The following AQP3 variants were observed in gnomAD, a reference collection of about 807,000 sequenced individuals.
AQP3 encodes the protein aquaporin-3.
Under a neutral mutation model 30.3 loss-of-function variants are expected in AQP3, and 15 were observed. That is an observed-to-expected ratio of 0.49 (90% CI 0.33 to 0.76). The LOEUF (loss-of-function observed/expected upper bound fraction) is 0.76. AQP3 is among the 30% of genes least tolerant of loss of function. The pLI is 0.02. For missense variants in AQP3, 272 were observed against 384.8 expected (o/e 0.71, Z 2.45); for synonymous variants, 153 against 163.2 (o/e 0.94, Z 0.47).
Position 33,443,460 on chromosome 9 carries a change from T to C in AQP3, c.236-2A>G. On this transcript the variant is annotated splice_acceptor_variant, in intron 2 of 5. Coordinates refer to ENST00000297991, the MANE Select transcript of AQP3 (RefSeq NM_004925.5). LOFTEE classifies it high-confidence loss of function. This position sits in a 1 kb window ranked among gnomAD's most constrained non-coding sequence, Gnocchi z 5.0. ...TCACGGCAGGGTTCAGGTGGGCCCC[T>C]GGGCAGAGGGGACAAGGGACCTATT... The C allele has an allele frequency of 6.2e-7, 1 of 1,611,562 alleles. No individual in the cohort carries two copies. Among genetic ancestry groups the C allele is most frequent in the Non-Finnish European group, 8.5e-7 (1 of 1,179,100 alleles).
intron 4 of AQP3, 83 bp downstream of exon 4, chr9:33,442,769 G>T: frequency 7.3e-7 from 1 of 1,362,560 alleles, no homozygotes; most frequent in Non-Finnish European, 1.1e-6. Flanking sequence ...CAGTCGAGGA[G>T]TCCTGTCCCC....
chr9:33,443,115 G>T lies in AQP3; in HGVS notation c.374-145C>A. ...CAGCAGGCAGAGGGGGTGGCGTGGG[G>T]TGGGGTGGAGGGCCTGAGACTCTGT... On this transcript the variant is annotated intron_variant, in intron 3 of 5. Coordinates refer to ENST00000297991, the MANE Select transcript of AQP3 (RefSeq NM_004925.5). This position sits in a 1 kb window ranked among gnomAD's most constrained non-coding sequence, Gnocchi z 5.0. The T allele has an allele frequency of 9.6e-7, 1 of 1,041,348 alleles. No individual in the cohort carries two copies. Among genetic ancestry groups the T allele is most frequent in the African/African-American group, 1.6e-5 (1 of 63,514 alleles). The allele number at this position is 1,041,348 out of a possible 1,614,324, so 64.5% of individuals were successfully genotyped here.
chr9:33,447,328 G>A, intron 1 of AQP3, 95 bp downstream of exon 1: 3 of 1,164,684 alleles, frequency 2.6e-6, no homozygotes, highest in Non-Finnish European at 3.8e-6. Context: ...GGTGGGTCCA[G>A]GCTACCTTGG....
At chr9:33,447,083 T>C (rs1206631301) in intron 1 of AQP3, among the ~76,000 whole-genome samples, 2 of 152,044 alleles carry the variant, frequency 1.3e-5, no homozygotes, top group Non-Finnish European at 2.9e-5. Context: ...TCTGGAGGGG[T>C]GTGGGAGGCA....
chr9:33,442,164 C>T lies in AQP3; in HGVS notation c.758G>A (p.Gly253Asp). The change falls in exon 6 of 6, where the codon GGC becomes GAC. Residue 253 changes from glycine to aspartate, a missense_variant. This residue lies in a region of AQP3 where 51 missense variants were observed against 51.8 expected (regional missense o/e 0.98). Transcript: ENST00000297991. The part of the protein sequence containing the change: ...WWVPIVSPLL[G>D]SIAGVFVYQL... ...GTACACGAAGACACCCGCAATGGAG[C>T]CCAGGAGTGGGGACACGATGGGCAC... 6.2e-7 allele frequency: 1 copy of T among 1,613,330 alleles called. No homozygotes were observed. The highest frequency in any genetic ancestry group is 1.3e-5 in the African/African-American group (1 of 75,026).
rs377229244 is a variant in AQP3, at chr9:33,443,501, C to A, written c.236-43G>T. 18 of 1,600,572 alleles carry A rather than the reference C, an allele frequency of 1.1e-5. No individual in the cohort carries two copies. In the Middle Eastern group the frequency reaches 5.0e-4, roughly 44 times the overall value. On this transcript the variant is annotated intron_variant, in intron 2 of 5. Coordinates refer to ENST00000297991, the MANE Select transcript of AQP3 (RefSeq NM_004925.5). The surrounding 1 kb of genome is among the most constrained non-coding windows in gnomAD (Gnocchi z 5.0). Reference sequence around the variant, plus strand: ...GGGACCTATTAGCTGCAGCCTGCCACAGTCGGCAGGCTAGGGTCCCCTGAG... The same window carrying A: ...GGGACCTATTAGCTGCAGCCTGCCAAAGTCGGCAGGCTAGGGTCCCCTGAG...
chr9:33,442,286 G>A lies in AQP3; in HGVS notation c.710+15C>T, dbSNP rs936689473. On this transcript the variant is annotated intron_variant, in intron 5 of 5. Transcript: ENST00000297991. ...AGAGGCAGGCTGGGGTGAGCTGGGT[G>A]GGGGCTGTACTCACGTGAAGACTGC... 4 of 1,611,756 alleles carry A rather than the reference G, an allele frequency of 2.5e-6. No individual in the cohort carries two copies. Among genetic ancestry groups the A allele is most frequent in the Non-Finnish European group, 3.4e-6 (4 of 1,179,142 alleles).
chr9:33,447,579 G>T lies in AQP3; in HGVS notation c.-49C>A. ...CGGGCGGGCAGGGGTGGCGGGAGGCGGTGGCGCAGCGAGCAGCGGCCTCCA... is the reference window on the plus strand; with the variant it reads ...CGGGCGGGCAGGGGTGGCGGGAGGCTGTGGCGCAGCGAGCAGCGGCCTCCA... On this transcript the variant is annotated 5_prime_UTR_variant, in exon 1 of 6. Transcript: ENST00000297991. The T allele has an allele frequency of 1.4e-6, 2 of 1,449,998 alleles. No homozygotes were observed. Among genetic ancestry groups the T allele is most frequent in the Non-Finnish European group, 9.4e-7 (1 of 1,060,082 alleles). 89.8% of individuals were successfully genotyped at this position (1,449,998 alleles called of 1,614,324 possible). A position where few individuals can be genotyped will look rare whatever the true frequency, so the allele number is the denominator to read the frequency against.
At position 33,443,977 on chromosome 9, in the gene AQP3, C is replaced by T; in HGVS notation, c.109-85G>A. On this transcript the variant is annotated intron_variant, in intron 1 of 5. Coordinates refer to ENST00000297991, the MANE Select transcript of AQP3 (RefSeq NM_004925.5). The surrounding 1 kb of genome is among the most constrained non-coding windows in gnomAD (Gnocchi z 5.0). ...AGGGGTGAAGCCAGCAACATGCCCA[C>T]TCGCCACCACTGGGAGGACTAGAGG... 1 of 1,522,680 alleles carries T rather than the reference C, an allele frequency of 6.6e-7. No individual in the cohort carries two copies. Among genetic ancestry groups the T allele is most frequent in the Non-Finnish European group, 8.9e-7 (1 of 1,120,130 alleles). 94.3% of individuals were successfully genotyped at this position (1,522,680 alleles called of 1,614,324 possible).
Position 33,441,694 on chromosome 9 carries a change from A to G in AQP3, c.*349T>C, listed in dbSNP as rs1036151284. On this transcript the variant is annotated 3_prime_UTR_variant, in exon 6 of 6. Transcript: ENST00000297991. Reference sequence around the variant, plus strand: ...CCTTCCGACTGGTCCCTTGCCCTGAATATCTGGGAACCCCCCCCACACACA... The same window carrying G: ...CCTTCCGACTGGTCCCTTGCCCTGAGTATCTGGGAACCCCCCCCACACACA... The G allele has an allele frequency of 5.0e-6, 2 of 401,320 alleles. No individual in the cohort carries two copies. Among genetic ancestry groups the G allele is most frequent in the Non-Finnish European group, 8.4e-6 (2 of 238,540 alleles). 24.9% of individuals were successfully genotyped at this position (401,320 alleles called of 1,614,324 possible). A position where few individuals can be genotyped will look rare whatever the true frequency, so the allele number is the denominator to read the frequency against.
In AQP3 at chr9:33,447,425, C is replaced by G; in HGVS notation, c.106G>C (p.Val36Leu). The part of the protein sequence containing the change: ...LAECLGTLIL[V>L]MFGCGSVAQV... ...CTTCCCCGGCTCCCTCCACTCACCA[C>G]CAGGATGAGGGTCCCCAGGCACTCG... The change falls in exon 1 of 6, where the codon GTG (valine) becomes CTG (leucine). Residue 36 changes from valine to leucine, a missense_variant and splice_region_variant. Around this residue, in one of 3 missense-constraint regions of AQP3, gnomAD observed 51 missense variants for 46.5 expected, o/e 1.10. Transcript: ENST00000297991. 1 of 1,599,444 alleles carries G rather than the reference C, an allele frequency of 6.3e-7. No homozygotes were observed. The highest frequency in any genetic ancestry group is 1.7e-5 in the Admixed American group (1 of 57,860).
At position 33,443,168 on chromosome 9, in the gene AQP3, G is replaced by T; in HGVS notation, c.373+153C>A. On this transcript the variant is annotated intron_variant, in intron 3 of 5. Coordinates refer to ENST00000297991, the MANE Select transcript of AQP3 (RefSeq NM_004925.5). This position sits in a 1 kb window ranked among gnomAD's most constrained non-coding sequence, Gnocchi z 5.0. Reference sequence around the variant, plus strand: ...TTGCCCAACTTGTTTCTTTCCCTTCGTGCCCCCTACCTTGACCCTGTGCGT... The same window carrying T: ...TTGCCCAACTTGTTTCTTTCCCTTCTTGCCCCCTACCTTGACCCTGTGCGT... 3 of 1,259,056 alleles carry T rather than the reference G, an allele frequency of 2.4e-6. No homozygotes were observed. The highest frequency in any genetic ancestry group is 3.4e-6 in the Non-Finnish European group (3 of 891,358). 78.0% of individuals were successfully genotyped at this position (1,259,056 alleles called of 1,614,324 possible).
intron 1 of AQP3, among the ~76,000 whole-genome samples, chr9:33,444,931 G>A (rs191922830): frequency 1.4e-4 from 21 of 152,234 alleles, no homozygotes; most frequent in African/African-American, 5.1e-4. Flanking sequence ...GTAGAAATGG[G>A]GAGATCGGTT....
rs759726185 is a variant in AQP3, at chr9:33,443,288, G to A, written c.373+33C>T. On this transcript the variant is annotated intron_variant, in intron 3 of 5. Transcript: ENST00000297991. This position sits in a 1 kb window ranked among gnomAD's most constrained non-coding sequence, Gnocchi z 5.0. ...GCAGGTCCTGAACAGAGGGACGGGGGTAGTGGAGGAGGACAGGGTGGGGAA... is the reference window on the plus strand; with the variant it reads ...GCAGGTCCTGAACAGAGGGACGGGGATAGTGGAGGAGGACAGGGTGGGGAA... 2 of 1,565,380 alleles carry A rather than the reference G, an allele frequency of 1.3e-6. No individual in the cohort carries two copies. The highest frequency in any genetic ancestry group is 1.7e-4 in the Middle Eastern group (1 of 6,006).
chr9:33,441,940 C>G lies in AQP3; in HGVS notation c.*103G>C. 6.5e-7 allele frequency: 1 copy of G among 1,531,188 alleles called. No homozygotes were observed. The highest frequency in any genetic ancestry group is 8.8e-7 in the Non-Finnish European group (1 of 1,131,082). 94.9% of individuals were successfully genotyped at this position (1,531,188 alleles called of 1,614,324 possible). A position where few individuals can be genotyped will look rare whatever the true frequency, so the allele number is the denominator to read the frequency against. On this transcript the variant is annotated 3_prime_UTR_variant, in exon 6 of 6. Transcript: ENST00000297991. ...GAGGGTAGATAGGGAGCTCCTTAGC[C>G]TGAAAGGGTGGATCGTGAAGGGGGC...
At chr9:33,446,768 C>T (rs1826919202) in intron 1 of AQP3, among the ~76,000 whole-genome samples, 1 of 152,206 alleles carries the variant, frequency 6.6e-6, no homozygotes, top group African/African-American at 2.4e-5. Flanking sequence ...GGATAACAGA[C>T]AGGGCCTGGG....
At position 33,443,998 on chromosome 9, in the gene AQP3, A is replaced by G. The variant is rs1359291924; in HGVS notation, c.109-106T>C. On this transcript the variant is annotated intron_variant, in intron 1 of 5. Coordinates refer to ENST00000297991, the MANE Select transcript of AQP3 (RefSeq NM_004925.5). The surrounding 1 kb of genome is among the most constrained non-coding windows in gnomAD (Gnocchi z 5.0). ...CCCACTCGCCACCACTGGGAGGACT[A>G]GAGGCGCTTCCTGGAACCCAGCCCA... The G allele has an allele frequency of 6.2e-6, 9 of 1,444,800 alleles. No homozygotes were observed. The highest frequency in any genetic ancestry group is 7.5e-6 in the Non-Finnish European group (8 of 1,071,082). The allele number at this position is 1,444,800 out of a possible 1,614,324, so 89.5% of individuals were successfully genotyped here. A position where few individuals can be genotyped will look rare whatever the true frequency, so the allele number is the denominator to read the frequency against.
chr9:33,442,456 G>A lies in AQP3; in HGVS notation c.555C>T (p.Pro185=), dbSNP rs770141200. Residue 185 remains proline, a synonymous_variant, in exon 5 of 6, where the codon CCC becomes CCT. Coordinates refer to ENST00000297991, the MANE Select transcript of AQP3 (RefSeq NM_004925.5). ...TGAAGGCCTCCAGGCCTCGGGGGAC[G>A]GGGTTGTTGTAGGGGTCAACAATGG... is the stretch of plus-strand genomic sequence containing the variant. ...VLAIVDPYNN[P]VPRGLEAFTV... is the part of the protein sequence containing the mutation. The A allele has an allele frequency of 1.2e-5, 20 of 1,611,620 alleles. No individual in the cohort carries two copies. Among genetic ancestry groups the A allele is most frequent in the African/African-American group, 6.7e-5 (5 of 74,938 alleles).
At chr9:33,444,605 A>C (rs2118973639) in intron 1 of AQP3, among the ~76,000 whole-genome samples, 1 of 152,030 alleles carries the variant, frequency 6.6e-6, no homozygotes, top group Non-Finnish European at 1.5e-5. Flanking sequence ...ATCTCAAAAA[A>C]AAAAAAAAAA....
Sources: allele counts gnomAD v4.1 joint callset (sites outside exome capture counted in the v4.1 genomes callset), GRCh38; gene constraint gnomAD v4.1.1; regional missense constraint gnomAD v4.1.1; non-coding constraint Gnocchi (gnomAD v3.1); transcripts MANE v1.5; gene names NCBI Gene and HGNC (gene_info 2026-07-23, HGNC 2026-07-21).